DAB2IP: variants seen among roughly 807,000 people sequenced by gnomAD.
The protein encoded by DAB2IP is disabled homolog 2-interacting protein.
Under a neutral mutation model 107.2 loss-of-function variants are expected in DAB2IP, and 28 were observed. The ratio of observed to expected loss-of-function variants is 0.26; its 90% CI spans 0.19 to 0.36. The LOEUF (loss-of-function observed/expected upper bound fraction) is 0.36. Among genes scored for constraint, DAB2IP ranks in the 10% least tolerant of loss-of-function variants. The pLI is 1.00. For synonymous variants in DAB2IP, 755 were observed against 706.4 expected, an observed-to-expected ratio of 1.07 and a Z score of -1.09; for missense variants, 1,400 against 1,644.7, an observed-to-expected ratio of 0.85 and a Z score of 2.57.
Position 121,772,150 on chromosome 9 carries a change from C to T in DAB2IP, c.2079-457C>T, listed in dbSNP as rs1186760662. Reference sequence around the variant, plus strand: ...GCAAGAGGAGGTTTCACCGGGCCCCCACTTCAGTTACCAGTCTGATTAGGA... The same window carrying T: ...GCAAGAGGAGGTTTCACCGGGCCCCTACTTCAGTTACCAGTCTGATTAGGA... On this transcript the variant is annotated intron_variant, in intron 11 of 15. Coordinates refer to ENST00000408936, the Ensembl canonical transcript of DAB2IP. The surrounding 1 kb of genome is among the most constrained non-coding windows in gnomAD (Gnocchi z 4.7). 1.3e-5 allele frequency among the ~76,000 whole-genome samples: 2 copies of T among 152,192 alleles called. No homozygotes were observed. The highest frequency in any genetic ancestry group is 2.9e-5 in the Non-Finnish European group (2 of 68,034).
At chr9:121,581,272 C>T (rs1294184361) in intron 1 of DAB2IP, among the ~76,000 whole-genome samples, 1 of 152,154 alleles carries the variant, frequency 6.6e-6, no homozygotes, top group Non-Finnish European at 1.5e-5. Flanking sequence ...CCTGGACTGG[C>T]TACCTTCGCC....
chr9:121,634,508 C>T lies in DAB2IP; in HGVS notation c.41-44170C>T, dbSNP rs1391621162. ...CAGGTGTCCCCTTGTGCCTAGAAAG[C>T]AGCCTCACTCCAGCACAAGCCTGGG... On this transcript the variant is annotated intron_variant, in intron 1 of 16. Coordinates refer to the DAB2IP transcript ENST00000259371. The surrounding 1 kb of genome is among the most constrained non-coding windows in gnomAD (Gnocchi z 4.7). 6.6e-6 allele frequency among the ~76,000 whole-genome samples: 1 copy of T among 152,168 alleles called. No homozygotes were observed. Among genetic ancestry groups the T allele is most frequent in the Non-Finnish European group, 1.5e-5 (1 of 68,034 alleles).
At chr9:121,609,454 T>G (rs1295713360) in intron 1 of DAB2IP, among the ~76,000 whole-genome samples, 3 of 152,184 alleles carry the variant, frequency 2.0e-5, no homozygotes, top group Non-Finnish European at 4.4e-5. Flanking sequence ...CTCACTTCCA[T>G]CCCTCCCGCT....
At chr9:121,603,131 G>GT (rs1301888500) in intron 1 of DAB2IP, among the ~76,000 whole-genome samples, 1 of 152,206 alleles carries the variant, frequency 6.6e-6, no homozygotes, top group Non-Finnish European at 1.5e-5. Context: ...CAGCCAGAAG[G>GT]TGCTGGGCCT....
Position 121,736,030 on chromosome 9 carries a change from G to C in DAB2IP, c.363-20983G>C, listed in dbSNP as rs955334711. On this transcript the variant is annotated intron_variant, in intron 3 of 15. Transcript: ENST00000408936. The surrounding 1 kb of genome is among the most constrained non-coding windows in gnomAD (Gnocchi z 4.6). ...GACTAGCCGGGTGCTTTCCAGAAGAGAAAACCCGGGACTGCTGCCTGGGAA... is the reference window on the plus strand; with the variant it reads ...GACTAGCCGGGTGCTTTCCAGAAGACAAAACCCGGGACTGCTGCCTGGGAA... 7.2e-5 allele frequency among the ~76,000 whole-genome samples: 11 copies of C among 152,236 alleles called. No individual in the cohort carries two copies. The highest frequency in any genetic ancestry group is 5.9e-4 in the Admixed American group (9 of 15,288).
chr9:121,602,496 T>G (rs1364364866), intron 1 of DAB2IP, among the ~76,000 whole-genome samples: 1 of 152,198 alleles, frequency 6.6e-6, no homozygotes, highest in Non-Finnish European at 1.5e-5. Flanking sequence ...TGTGCTCCAG[T>G]GATCCTCCCA....
intron 3 of DAB2IP, among the ~76,000 whole-genome samples, chr9:121,727,385 A>C (rs989627059): frequency 6.6e-6 from 1 of 152,228 alleles, no homozygotes; most frequent in Non-Finnish European, 1.5e-5. Context: ...TGTGAGGATT[A>C]ACATATGTTT....
At chr9:121,764,661 C>G (rs1297187832) in intron 8 of DAB2IP, among the ~76,000 whole-genome samples, 3 of 152,184 alleles carry the variant, frequency 2.0e-5, no homozygotes, top group African/African-American at 7.2e-5. Flanking sequence ...CCTGTGTCCC[C>G]CTCCAGCTCA....
chr9:121,673,721 C>T (rs1833774553), intron 1 of DAB2IP, among the ~76,000 whole-genome samples: 1 of 152,180 alleles, frequency 6.6e-6, no homozygotes, highest in Non-Finnish European at 1.5e-5. Context: ...GTGTTTAGAG[C>T]TTACGGCAGG....
chr9:121,781,349 G>GA, intron 14 of DAB2IP, 115 bp from the exon 15 acceptor site: 1 of 995,724 alleles, frequency 1.0e-6, no homozygotes, highest in East Asian at 2.5e-5. Flanking sequence ...CTGACCCAAG[G>GA]AGGGGCTCTC....
chr9:121,758,938 C>T, exon 5 of DAB2IP: 1 of 1,613,824 alleles, frequency 6.2e-7, no homozygotes, highest in Non-Finnish European at 8.5e-7. Context: ...TCCTGCCGGT[C>T]TGCAGCTGAG....
intron 3 of DAB2IP, among the ~76,000 whole-genome samples, chr9:121,707,613 G>A (rs1830125012): frequency 6.6e-6 from 1 of 152,206 alleles, no homozygotes; most frequent in Admixed American, 6.5e-5. Context: ...GATGGCACCA[G>A]GGTAGCATGG....
At chr9:121,577,428 G>A (rs984568916) in intron 1 of DAB2IP, among the ~76,000 whole-genome samples, 4 of 152,254 alleles carry the variant, frequency 2.6e-5, no homozygotes, top group African/African-American at 7.2e-5. Context: ...ACACGGGCAG[G>A]CGTGCGTGAG....
chr9:121,646,675 C>A (rs536354895), upstream of DAB2IP, among the ~76,000 whole-genome samples: 2 of 152,122 alleles, frequency 1.3e-5, no homozygotes, highest in African/African-American at 4.8e-5. Flanking sequence ...TCCAGACACC[C>A]ATTGTGTGGG....
chr9:121,677,365 TA>T (rs1191472900), intron 1 of DAB2IP, among the ~76,000 whole-genome samples: 2 of 151,964 alleles, frequency 1.3e-5, no homozygotes, highest in African/African-American at 4.8e-5. Flanking sequence ...CAATTTTTTT[TA>T]AAAAAATTAG....
chr9:121,597,084 T>C (rs922231730), intron 1 of DAB2IP, among the ~76,000 whole-genome samples: 3 of 152,256 alleles, frequency 2.0e-5, no homozygotes, highest in Non-Finnish European at 2.9e-5. Flanking sequence ...TTTAGCACAT[T>C]GGTTTGTGGA....
intron 1 of DAB2IP, among the ~76,000 whole-genome samples, chr9:121,594,378 C>T (rs1830483640): frequency 6.6e-6 from 1 of 151,948 alleles, no homozygotes; most frequent in Non-Finnish European, 1.5e-5. Context: ...GCTGGGATTA[C>T]AGGTGTGTGC....
At chr9:121,595,342 C>T (rs755948822) in intron 1 of DAB2IP, among the ~76,000 whole-genome samples, 23 of 152,012 alleles carry the variant, frequency 1.5e-4, no homozygotes, top group Non-Finnish European at 1.5e-5. Context: ...CCTGTAATCC[C>T]AGCACTTTAG....
chr9:121,599,512 G>A lies in DAB2IP; in HGVS notation c.40+32284G>A, dbSNP rs914290213. Among the ~76,000 whole-genome samples the A allele has an allele frequency of 7.2e-5, 11 of 151,900 alleles. No individual in the cohort carries two copies. The highest frequency in any genetic ancestry group is 2.7e-4 in the African/African-American group (11 of 41,392). ...TGCGATTGGCAGGGCTGGGCAGGCC[G>A]GGTGGCCGCGGGAGCCCGGGAGCCG... On this transcript the variant is annotated intron_variant, in intron 1 of 16. Transcript: ENST00000259371. The surrounding 1 kb of genome is among the most constrained non-coding windows in gnomAD (Gnocchi z 6.9).
Sources: allele counts gnomAD v4.1 joint callset (sites outside exome capture counted in the v4.1 genomes callset), GRCh38; gene constraint gnomAD v4.1.1; non-coding constraint Gnocchi (gnomAD v3.1); transcripts MANE v1.5; gene names NCBI Gene and HGNC (gene_info 2026-07-23, HGNC 2026-07-21).